DGKB: variants seen among roughly 807,000 people sequenced by gnomAD.
DGKB encodes the protein 90 kDa diacylglycerol kinase.
DGKB carries 67 observed loss-of-function variants against 114.3 expected under a neutral mutation model. That is an observed-to-expected ratio of 0.59 (90% CI 0.48 to 0.72). The LOEUF (loss-of-function observed/expected upper bound fraction) is 0.72. Ranked by LOEUF, DGKB falls within the 30% of genes least tolerant of loss-of-function variation. The pLI is 0.00. For synonymous variants in DGKB, 398 were observed against 323.1 expected, an observed-to-expected ratio of 1.23 and a Z score of -2.49; for missense variants, 907 against 975.2, an observed-to-expected ratio of 0.93 and a Z score of 0.93.
intron 17 of DGKB, among the ~76,000 whole-genome samples, chr7:14,595,541 T>A (rs748459653): frequency 2.0e-5 from 3 of 151,140 alleles, no homozygotes; most frequent in Non-Finnish European, 3.0e-5. Flanking sequence ...GAGGCCCCCC[T>A]TTAAGAAAAA....
intron 2 of DGKB, among the ~76,000 whole-genome samples, chr7:14,790,998 T>A (rs1470447079): frequency 2.6e-5 from 4 of 152,106 alleles, no homozygotes; most frequent in South Asian, 2.1e-4. Context: ...TTTTTAAAAA[T>A]TTTTTTCTTT....
chr7:14,177,987 T>C (rs1247552798), intron 24 of DGKB, 44 bp downstream of exon 24: 2 of 1,510,524 alleles, frequency 1.3e-6, no homozygotes, highest in South Asian at 1.3e-5. Flanking sequence ...AGTTTGAGGC[T>C]ATGCCATATC....
At chr7:14,514,338 A>G (rs1158386612) in intron 20 of DGKB, among the ~76,000 whole-genome samples, 3 of 152,150 alleles carry the variant, frequency 2.0e-5, no homozygotes, top group African/African-American at 7.2e-5. Flanking sequence ...ATATATGAGG[A>G]TCATTTTTCC....
At chr7:14,540,134 C>A (rs1793183723) in intron 20 of DGKB, among the ~76,000 whole-genome samples, 1 of 151,946 alleles carries the variant, frequency 6.6e-6, no homozygotes, top group East Asian at 1.9e-4. Context: ...ATGCCAGAAT[C>A]AATAGTATCA....
At chr7:14,938,853 T>G (rs1785409339) in intron 1 of DGKB, among the ~76,000 whole-genome samples, 1 of 152,160 alleles carries the variant, frequency 6.6e-6, no homozygotes, top group Non-Finnish European at 1.5e-5. Context: ...AAAGCATAGG[T>G]GTCAGCATTA....
At chr7:14,628,165 C>T (rs1425207982) in intron 14 of DGKB, among the ~76,000 whole-genome samples, 1 of 152,062 alleles carries the variant, frequency 6.6e-6, no homozygotes, top group Admixed American at 6.6e-5. Context: ...CTGTTTATGC[C>T]AGTTCTAAGT....
chr7:14,161,042 C>T (rs11983244), intron 25 of DGKB, among the ~76,000 whole-genome samples: 2,216 of 152,202 alleles, frequency 0.015, 60 homozygotes, highest in African/African-American at 0.046. Flanking sequence ...ATTTATGCAG[C>T]CAACACACAT....
chr7:14,655,813 T>G (rs1009552436), intron 13 of DGKB, among the ~76,000 whole-genome samples: 1 of 151,686 alleles, frequency 6.6e-6, no homozygotes. Context: ...TACTTATATA[T>G]GGGATCTAAA....
At chr7:14,968,370 G>T (rs1787284550) in intron 1 of DGKB, among the ~76,000 whole-genome samples, 1 of 152,022 alleles carries the variant, frequency 6.6e-6, no homozygotes, top group Admixed American at 6.6e-5. Flanking sequence ...TGTATTCACA[G>T]TAAAAAATCT....
At chr7:14,160,560 G>C (rs1783729550) in intron 25 of DGKB, among the ~76,000 whole-genome samples, 1 of 152,132 alleles carries the variant, frequency 6.6e-6, no homozygotes, top group South Asian at 2.1e-4. Flanking sequence ...TTACTTACAA[G>C]GGATGTGAAG....
At chr7:14,811,449 G>C (rs991995272) in intron 2 of DGKB, among the ~76,000 whole-genome samples, 2 of 152,114 alleles carry the variant, frequency 1.3e-5, no homozygotes, top group South Asian at 4.1e-4. Flanking sequence ...AAATAAGAAA[G>C]ATTACATGCT....
chr7:14,166,692 TG>T (rs1392522536), intron 25 of DGKB, among the ~76,000 whole-genome samples: 2 of 152,054 alleles, frequency 1.3e-5, no homozygotes. Flanking sequence ...AAAGGCAAAT[TG>T]GGGAAGAAGA....
intron 2 of DGKB, among the ~76,000 whole-genome samples, chr7:14,834,569 C>A (rs1290379781): frequency 6.6e-6 from 1 of 152,100 alleles, no homozygotes; most frequent in South Asian, 2.1e-4. Context: ...GTCACAGCAA[C>A]TGCCAATTTT....
At chr7:14,722,480 T>C (rs967711905) in intron 5 of DGKB, among the ~76,000 whole-genome samples, 8 of 152,174 alleles carry the variant, frequency 5.3e-5, no homozygotes, top group Non-Finnish European at 1.2e-4. Flanking sequence ...CTACAGTTTA[T>C]GCATTCATCA....
chr7:14,928,654 T>A (rs1784859113), intron 1 of DGKB, among the ~76,000 whole-genome samples: 1 of 151,898 alleles, frequency 6.6e-6, no homozygotes, highest in Non-Finnish European at 1.5e-5. Context: ...TATGTTCATT[T>A]TTTATTTATT....
chr7:14,575,598 C>T (rs1351309962), intron 19 of DGKB, among the ~76,000 whole-genome samples: 1 of 152,052 alleles, frequency 6.6e-6, no homozygotes, highest in African/African-American at 2.4e-5. Flanking sequence ...GTACATGAGT[C>T]CTAAAACAGA....
At chr7:14,875,972 G>A (rs1419469405) in intron 1 of DGKB, among the ~76,000 whole-genome samples, 1 of 152,148 alleles carries the variant, frequency 6.6e-6, no homozygotes, top group Non-Finnish European at 1.5e-5. Context: ...TTACACGGTT[G>A]AGCATTATTC....
chr7:14,476,059 A>G (rs1782120356), intron 21 of DGKB, among the ~76,000 whole-genome samples: 1 of 152,006 alleles, frequency 6.6e-6, no homozygotes, highest in African/African-American at 2.4e-5. Context: ...TCTAAGAGGT[A>G]CACTCCAAAA....
intron 23 of DGKB, among the ~76,000 whole-genome samples, chr7:14,203,707 G>A (rs1484067108): frequency 6.6e-6 from 1 of 151,902 alleles, no homozygotes; most frequent in East Asian, 1.9e-4. Context: ...CTGGGGCCAT[G>A]GAAAACATCA....
Sources: gnomAD v4.1 joint callset for allele counts (sites outside exome capture counted in the v4.1 genomes callset) on GRCh38, gnomAD v4.1.1 for gene constraint, MANE v1.5 for transcripts, NCBI Gene and HGNC (gene_info 2026-07-23, HGNC 2026-07-21) for gene names.